The following ST6GALNAC3 variants were observed in gnomAD, a reference collection of about 807,000 sequenced individuals.
The protein encoded by ST6GALNAC3 is ST6 N-acetylgalactosaminide alpha-2,6-sialyltransferase 3.
ST6GALNAC3 carries 25 observed loss-of-function variants against 32.7 expected under a neutral mutation model. The observed-to-expected ratio is 0.76, with a 90% CI of 0.56 to 1.07. The LOEUF is 1.07. Ranked by LOEUF, ST6GALNAC3 falls within the 50% of genes least tolerant of loss-of-function variation. The pLI is 0.00. For missense variants in ST6GALNAC3, 355 were observed against 382.4 expected, an observed-to-expected ratio of 0.93 and a Z score of 0.60; for synonymous variants, 129 against 133.1, an observed-to-expected ratio of 0.97 and a Z score of 0.21.
intron 3 of ST6GALNAC3, among the ~76,000 whole-genome samples, chr1:76,538,710 C>T (rs565497935): frequency 6.6e-6 from 1 of 152,222 alleles, no homozygotes; most frequent in South Asian, 2.1e-4. Flanking sequence ...CACATGCATT[C>T]CTTACACCAA....
At chr1:76,123,012 GATCTCTTGAATCCAGAT>G (rs1288545121) in intron 1 of ST6GALNAC3, among the ~76,000 whole-genome samples, 4 of 152,188 alleles carry the variant, frequency 2.6e-5, no homozygotes, top group Non-Finnish European at 5.9e-5. Context: ...ACTCACCCCA[GATCTCTTGAATCCAGAT>G]CTGCATTTTA....
chr1:76,190,836 C>T (rs770124326), intron 1 of ST6GALNAC3, among the ~76,000 whole-genome samples: 1 of 152,154 alleles, frequency 6.6e-6, no homozygotes, highest in Non-Finnish European at 1.5e-5. Flanking sequence ...TATTTATACT[C>T]CCATCCCCAG....
At chr1:76,529,815 C>A (rs1461854849) in intron 3 of ST6GALNAC3, among the ~76,000 whole-genome samples, 1 of 152,168 alleles carries the variant, frequency 6.6e-6, no homozygotes, top group Non-Finnish European at 1.5e-5. Context: ...TGACTTTGGG[C>A]AAATTGTTTT....
intron 1 of ST6GALNAC3, among the ~76,000 whole-genome samples, chr1:76,292,474 T>A (rs1226384934): frequency 6.6e-6 from 1 of 152,188 alleles, no homozygotes; most frequent in African/African-American, 2.4e-5. Flanking sequence ...AGTCCTCTTT[T>A]TAAAATATAA....
intron 1 of ST6GALNAC3, among the ~76,000 whole-genome samples, chr1:76,278,348 A>T (rs1014626973): frequency 1.3e-5 from 2 of 150,966 alleles, no homozygotes; most frequent in Non-Finnish European, 2.9e-5. Context: ...CAGCCTCCCG[A>T]GTAGCTGGGA....
At chr1:76,244,280 T>G (rs1093559) in intron 1 of ST6GALNAC3, among the ~76,000 whole-genome samples, 28,747 of 152,110 alleles carry the variant, frequency 0.19, 3,001 homozygotes, top group Non-Finnish European at 0.24. Flanking sequence ...ATGCTCGTGA[T>G]TTTTGCACAT....
intron 1 of ST6GALNAC3, among the ~76,000 whole-genome samples, chr1:76,120,149 C>T (rs1450350540): frequency 1.3e-5 from 2 of 152,244 alleles, no homozygotes; most frequent in East Asian, 3.8e-4. Context: ...ATAAAATATA[C>T]ATCCCCATCA....
At chr1:76,579,719 C>CA (rs1447373281) in intron 3 of ST6GALNAC3, among the ~76,000 whole-genome samples, 1 of 152,028 alleles carries the variant, frequency 6.6e-6, no homozygotes, top group Non-Finnish European at 1.5e-5. Flanking sequence ...ATTGCATCCC[C>CA]ACGATATAGC....
At chr1:76,101,362 C>T (rs568877918) in intron 1 of ST6GALNAC3, among the ~76,000 whole-genome samples, 99 of 152,138 alleles carry the variant, frequency 6.5e-4, no homozygotes, top group Non-Finnish European at 6.2e-4. Context: ...TAGCACTGAA[C>T]AATATTTCAT....
intron 1 of ST6GALNAC3, among the ~76,000 whole-genome samples, chr1:76,075,515 A>G (rs1485526629): frequency 6.6e-6 from 1 of 152,184 alleles, no homozygotes; most frequent in Non-Finnish European, 1.5e-5. Context: ...AATAGACAAA[A>G]TGATTTTATG....
chr1:76,355,648 C>T (rs116128764), intron 2 of ST6GALNAC3, among the ~76,000 whole-genome samples: 22 of 152,290 alleles, frequency 1.4e-4, no homozygotes, highest in East Asian at 3.9e-4. Flanking sequence ...TATCTATCAC[C>T]GATAGAGCCA....
chr1:76,494,646 T>TGC lies in ST6GALNAC3; in HGVS notation c.623+82232_623+82233dup, dbSNP rs764782163. Among the ~76,000 whole-genome samples, 168 of 81,018 alleles carry TGC rather than the reference T, an allele frequency of 2.1e-3. 5 individuals are homozygous for TGC. The highest frequency in any genetic ancestry group is 2.8e-3 in the Non-Finnish European group (122 of 43,548). 53.2% of individuals were successfully genotyped at this position (81,018 alleles called of 152,430 possible). On this transcript the variant is annotated intron_variant, in intron 3 of 4. Coordinates refer to ENST00000328299, the MANE Select transcript of ST6GALNAC3 (RefSeq NM_152996.4). ...AGCATAAAAATATATTTCATGTGTA[T>TGC]GCGCACACACACACACACACACACA...
At chr1:76,465,666 A>C (rs1241503599) in intron 3 of ST6GALNAC3, among the ~76,000 whole-genome samples, 1 of 152,148 alleles carries the variant, frequency 6.6e-6, no homozygotes. Context: ...GCACAGCTGA[A>C]GGGTTGCAAA....
At chr1:76,174,879 G>A (rs1019919248) in intron 1 of ST6GALNAC3, among the ~76,000 whole-genome samples, 1 of 151,832 alleles carries the variant, frequency 6.6e-6, no homozygotes, top group Non-Finnish European at 1.5e-5. Flanking sequence ...TGTTGGCCAG[G>A]CTAGTCTTGA....
chr1:76,309,978 G>A (rs201418662), intron 1 of ST6GALNAC3: 13 of 499,196 alleles, frequency 2.6e-5, no homozygotes, highest in Non-Finnish European at 4.8e-5. Context: ...TCTCACGTAT[G>A]CATACGTATG....
At chr1:76,215,513 C>T (rs1655403795) in intron 1 of ST6GALNAC3, among the ~76,000 whole-genome samples, 2 of 152,134 alleles carry the variant, frequency 1.3e-5, no homozygotes, top group Admixed American at 1.3e-4. Context: ...CCCGGGTGAT[C>T]CTAATTTGAG....
At chr1:76,307,241 A>C (rs1661115223) in intron 1 of ST6GALNAC3, among the ~76,000 whole-genome samples, 1 of 152,062 alleles carries the variant, frequency 6.6e-6, no homozygotes, top group African/African-American at 2.4e-5. Flanking sequence ...TTTTTCCTAG[A>C]GTTCACTATA....
chr1:76,133,723 G>T (rs746277258), intron 1 of ST6GALNAC3, among the ~76,000 whole-genome samples: 1 of 152,202 alleles, frequency 6.6e-6, no homozygotes, highest in Non-Finnish European at 1.5e-5. Flanking sequence ...CTCAGGGGAG[G>T]ATTCCATTCA....
intron 3 of ST6GALNAC3, among the ~76,000 whole-genome samples, chr1:76,551,417 A>G (rs1249445535): frequency 6.6e-6 from 1 of 152,144 alleles, no homozygotes; most frequent in Non-Finnish European, 1.5e-5. Flanking sequence ...AGGCCCACAC[A>G]TGTTTCTTAG....
Sources: allele counts gnomAD v4.1 joint callset (sites outside exome capture counted in the v4.1 genomes callset), GRCh38; gene constraint gnomAD v4.1.1; transcripts MANE v1.5; gene names NCBI Gene and HGNC (gene_info 2026-07-23, HGNC 2026-07-21).